Variants in ERV3-1 observed in about 807,000 individuals in gnomAD.
ERV3-1 encodes endogenous retrovirus group 3 member 1 Env polyprotein.
In ERV3-1, 36 loss-of-function variants were observed where a neutral mutation model predicts 24.6. The ratio of observed to expected loss-of-function variants is 1.47; its 90% confidence interval spans 1.12 to 1.94. The LOEUF is 1.94. Ranked by LOEUF, ERV3-1 falls within the 30% of genes most tolerant of loss-of-function variation. ERV3-1 has a pLI of 0.00. For missense variants in ERV3-1, 578 were observed against 330.9 expected (o/e 1.75, Z -5.79); for synonymous variants, 211 against 122.6 (o/e 1.72, Z -4.76).
intron 1 of ERV3-1, among the ~76,000 whole-genome samples, chr7:65,000,467 C>T (rs1271000792): frequency 6.6e-6 from 1 of 152,146 alleles, no homozygotes; most frequent in Non-Finnish European, 1.5e-5. Context: ...TTGTGATCTG[C>T]CCACCTCGGC....
intron 1 of ERV3-1, among the ~76,000 whole-genome samples, chr7:65,001,684 G>C (rs559568952): frequency 1.3e-5 from 2 of 152,310 alleles, no homozygotes; most frequent in Admixed American, 6.5e-5. Context: ...GGAGAGCAGA[G>C]TCTCTCATTC....
chr7:64,997,637 T>A (rs1305720730), intron 1 of ERV3-1, among the ~76,000 whole-genome samples: 1 of 152,168 alleles, frequency 6.6e-6, no homozygotes, highest in Non-Finnish European at 1.5e-5. Context: ...TGAGCATATA[T>A]GCCTGGACAT....
At position 64,991,369 on chromosome 7, in the gene ERV3-1, G is replaced by C. The variant is rs1338796054; in HGVS notation, c.1658C>G (p.Ala553Gly). 1.4e-6 allele frequency: 1 copy of C among 704,148 alleles called. No homozygotes were observed. The highest frequency in any genetic ancestry group is 2.6e-6 in the Non-Finnish European group (1 of 385,004). 43.6% of individuals were successfully genotyped at this position (704,148 alleles called of 1,614,324 possible). The change falls in exon 2 of 2, where the codon GCC (alanine) becomes GGC (glycine). Residue 553 changes from alanine to glycine, a missense_variant. Ala to Gly is a moderately conservative substitution (Grantham distance 60). Coordinates refer to ENST00000394323, the MANE Select transcript of ERV3-1 (RefSeq NM_001007253.4). ...MRNVIYQNRL[A>G]LDYLLAQEEG... ...TTCCTGGGCTAGGAGGTAGTCTAAG[G>C]CCAGTCTATTTTGATAAATGACATT...
In ERV3-1 at chr7:64,993,069, G is replaced by C. The variant is rs1208262235; in HGVS notation, c.-43C>G. ...TCCTGGGGGGAGAAGGCTAAGCAAA[G>C]TGACAGCTTAATAGCAAAGTAATTA... On this transcript the variant is annotated 5_prime_UTR_variant, in exon 2 of 2. Transcript: ENST00000394323. The C allele has an allele frequency of 5.9e-6, 4 of 678,234 alleles. No individual in the cohort carries two copies. Among genetic ancestry groups the C allele is most frequent in the Non-Finnish European group, 8.0e-6 (3 of 374,502 alleles). 42.0% of individuals were successfully genotyped at this position (678,234 alleles called of 1,614,324 possible).
At chr7:65,005,922 G>A (rs939469431) in intron 1 of ERV3-1, among the ~76,000 whole-genome samples, 9 of 152,144 alleles carry the variant, frequency 5.9e-5, no homozygotes, top group Non-Finnish European at 1.2e-4. Flanking sequence ...CTCATTACAT[G>A]ACCAGGGAAT....
Position 64,991,926 on chromosome 7 carries a change from A to C in ERV3-1, c.1101T>G (p.Tyr367Ter). ...VGELTCLGQQ[Y>*]YNETLGKTLW... ...AAGTCTTTCCTAGTGTCTCGTTGTAATATTGTTGTCCTAGGCAAGTTAACT... is the reference window on the plus strand; with the variant it reads ...AAGTCTTTCCTAGTGTCTCGTTGTACTATTGTTGTCCTAGGCAAGTTAACT... Residue 367 changes from tyrosine (Y) to a stop codon, truncating the protein, a stop_gained, in exon 2 of 2, where the codon TAT (tyrosine) becomes TAG (stop). Transcript: ENST00000394323. LOFTEE classifies it high-confidence loss of function. 1 of 766,356 alleles carries C rather than the reference A, an allele frequency of 1.3e-6. No individual in the cohort carries two copies. The highest frequency in any genetic ancestry group is 2.4e-5 in the East Asian group (1 of 41,250). The allele number at this position is 766,356 out of a possible 1,614,324, so 47.5% of individuals were successfully genotyped here. A position where few individuals can be genotyped will look rare whatever the true frequency, so the allele number is the denominator to read the frequency against.
intron 1 of ERV3-1, among the ~76,000 whole-genome samples, chr7:65,002,945 T>A (rs905077037): frequency 5.9e-5 from 9 of 152,230 alleles, no homozygotes; most frequent in African/African-American, 2.2e-4. Flanking sequence ...AATTCAATTT[T>A]TTTACATAAA....
In ERV3-1 at chr7:65,002,095, C is replaced by T. The variant is rs980032834; in HGVS notation, c.-389+4446G>A. Reference sequence around the variant, plus strand: ...AAAAATGTATAGGACAAAGAAAAGACGTGGGGAAAGATGAAGCACATAGAT... The same window carrying T: ...AAAAATGTATAGGACAAAGAAAAGATGTGGGGAAAGATGAAGCACATAGAT... On this transcript the variant is annotated intron_variant, in intron 1 of 1. Transcript: ENST00000394323. Among the ~76,000 whole-genome samples the T allele has an allele frequency of 4.6e-5, 7 of 152,024 alleles. No homozygotes were observed. The East Asian group carries it at 7.7e-4, about 17-fold the overall frequency.
At position 64,992,410 on chromosome 7, in the gene ERV3-1, T is replaced by C. The variant is rs371666165; in HGVS notation, c.617A>G (p.Glu206Gly). 8 of 766,262 alleles carry C rather than the reference T, an allele frequency of 1.0e-5. No individual in the cohort carries two copies. The highest frequency in any genetic ancestry group is 2.2e-4 in the Middle Eastern group (1 of 4,462). 47.5% of individuals were successfully genotyped at this position (766,262 alleles called of 1,614,324 possible). The change falls in exon 2 of 2, where the codon GAG becomes GGG. Residue 206 changes from glutamate (E) to glycine (G), a missense_variant. Transcript: ENST00000394323. ...TGTTGTCCATATGGGCTGATCTGGC[T>C]CTAAGATGGTAAGATTTACAGAATT... ...TCNSVNLTIL[E>G]PDQPIWTTGL...
At chr7:65,001,948 A>T (rs4718180) in intron 1 of ERV3-1, among the ~76,000 whole-genome samples, 2 of 151,944 alleles carry the variant, frequency 1.3e-5, no homozygotes, top group Non-Finnish European at 2.9e-5. Context: ...TTAAAAATTC[A>T]GGACTCCCAT....
intron 1 of ERV3-1, among the ~76,000 whole-genome samples, chr7:64,998,775 G>A (rs527385973): frequency 2.4e-4 from 37 of 152,148 alleles, no homozygotes; most frequent in African/African-American, 6.0e-4. Context: ...GCCATATGCC[G>A]TAGCCCCAAA....
chr7:64,992,822 A>G lies in ERV3-1; in HGVS notation c.205T>C (p.Ser69Pro), dbSNP rs368283190. ...TGGCCCCTTCCTGGGTCACAGACTG[A>G]GTAGGTTGTCTGGTTGTGAGTACAA... ...GTCTHNQTTY[S>P]VCDPGRGQPY... Residue 69 changes from serine (S) to proline (P), a missense_variant, in exon 2 of 2, where the codon TCA (serine) becomes CCA (proline). Coordinates refer to ENST00000394323, the MANE Select transcript of ERV3-1 (RefSeq NM_001007253.4). The G allele has an allele frequency of 5.1e-5, 39 of 766,294 alleles. No individual in the cohort carries two copies. Among genetic ancestry groups the G allele is most frequent in the Admixed American group, 8.5e-5 (5 of 59,018 alleles). 47.5% of individuals were successfully genotyped at this position (766,294 alleles called of 1,614,324 possible).
chr7:64,991,966 G>C lies in ERV3-1; in HGVS notation c.1061C>G (p.Thr354Arg). 1.3e-6 allele frequency: 1 copy of C among 766,400 alleles called. No homozygotes were observed. The highest frequency in any genetic ancestry group is 2.4e-6 in the Non-Finnish European group (1 of 417,892). 47.5% of individuals were successfully genotyped at this position (766,400 alleles called of 1,614,324 possible). The change falls in exon 2 of 2, where the codon ACA becomes AGA. Residue 354 changes from threonine to arginine, a missense_variant. By Grantham distance (71) the Thr-to-Arg change is moderately conservative (BLOSUM62 -1). Coordinates refer to ENST00000394323, the MANE Select transcript of ERV3-1 (RefSeq NM_001007253.4). ...GCAAGTTAACTCTCCTACTGGGTCT[G>C]TAAAGGCCTTTCCCCAGCGAGCAAT... is the stretch of plus-strand genomic sequence containing the variant. ...FCIARWGKAF[T>R]DPVGELTCLG...
chr7:64,996,956 G>A (rs1445340455), intron 1 of ERV3-1, among the ~76,000 whole-genome samples: 1 of 152,192 alleles, frequency 6.6e-6, no homozygotes, highest in African/African-American at 2.4e-5. Flanking sequence ...GTAGGTATCT[G>A]ACTCCCTTGG....
In ERV3-1 at chr7:64,991,685, GGAA is replaced by G. The variant is rs779655627; in HGVS notation, c.1339_1341del (p.Phe447del). 1 of 735,756 alleles carries G rather than the reference GGAA, an allele frequency of 1.4e-6. No individual in the cohort carries two copies. Among genetic ancestry groups the G allele is most frequent in the Middle Eastern group, 2.3e-4 (1 of 4,406 alleles). 45.6% of individuals were successfully genotyped at this position (735,756 alleles called of 1,614,324 possible). A position where few individuals can be genotyped will look rare whatever the true frequency, so the allele number is the denominator to read the frequency against. On this transcript the variant is annotated inframe_deletion, in exon 2 of 2. Transcript: ENST00000394323. ...GCTTCTCCCTGTTTTAGGGGCATTA[GGAA>G]GAAGGACGGCCTAATTGTCCCCAGT...
chr7:64,997,128 C>A (rs1786420584), intron 1 of ERV3-1, among the ~76,000 whole-genome samples: 1 of 152,228 alleles, frequency 6.6e-6, no homozygotes, highest in Non-Finnish European at 1.5e-5. Flanking sequence ...CTGGCCTGAA[C>A]CCCTCCATGT....
In ERV3-1 at chr7:64,992,551, T is replaced by G; in HGVS notation, c.476A>C (p.Asp159Ala). Reference sequence around the variant, plus strand: ...GTCCCAGCAAGTTGTTACTGGGGAATCGGTGGAACAAGCAGGGTGTGCATA... The same window carrying G: ...GTCCCAGCAAGTTGTTACTGGGGAAGCGGTGGAACAAGCAGGGTGTGCATA... Reference protein sequence around the residue: ...NRYAHPACSTDSPVTTCWDCT... With the variant: ...NRYAHPACSTASPVTTCWDCT... Residue 159 changes from aspartate to alanine, a missense_variant, in exon 2 of 2, where the codon GAT (aspartate) becomes GCT (alanine). Coordinates refer to ENST00000394323, the MANE Select transcript of ERV3-1 (RefSeq NM_001007253.4). The G allele has an allele frequency of 1.3e-6, 1 of 766,392 alleles. No individual in the cohort carries two copies. The highest frequency in any genetic ancestry group is 2.3e-4 in the Middle Eastern group (1 of 4,440). The allele number at this position is 766,392 out of a possible 1,614,324, so 47.5% of individuals were successfully genotyped here.
chr7:64,994,766 G>A (rs1473300539), intron 1 of ERV3-1, among the ~76,000 whole-genome samples: 1 of 152,206 alleles, frequency 6.6e-6, no homozygotes, highest in Non-Finnish European at 1.5e-5. Flanking sequence ...TGTAAACACT[G>A]ATCTTTTTGT....
intron 1 of ERV3-1, among the ~76,000 whole-genome samples, chr7:64,999,737 G>A (rs1786479886): frequency 6.6e-6 from 1 of 152,162 alleles, no homozygotes; most frequent in South Asian, 2.1e-4. Flanking sequence ...AATGGTATGG[G>A]GAAAGAATTT....
Sources: allele counts gnomAD v4.1 joint callset (sites outside exome capture counted in the v4.1 genomes callset), GRCh38; gene constraint gnomAD v4.1.1; transcripts MANE v1.5; gene names NCBI Gene and HGNC (gene_info 2026-07-23, HGNC 2026-07-21).